Variants in NFATC3 observed in about 807,000 individuals in gnomAD.
NFATC3 encodes the protein nuclear factor of activated T cells 3, also known as nuclear factor of activated T-cells, cytoplasmic 3.
A neutral mutation model predicts 98.6 loss-of-function variants in NFATC3; 46 were observed. The ratio of observed to expected loss-of-function variants is 0.47; its 90% CI spans 0.37 to 0.60. The LOEUF (loss-of-function observed/expected upper bound fraction) is 0.60, where lower values mean the gene tolerates loss of function less well. NFATC3 is among the 20% of genes least tolerant of loss of function. The pLI is 0.00. For missense variants in NFATC3, 1,256 were observed against 1,295.5 expected (o/e 0.97, Z 0.47); for synonymous variants, 512 against 472.2 (o/e 1.08, Z -1.09).
Position 68,191,257 on chromosome 16 carries a change from G to A in NFATC3, c.2588G>A (p.Gly863Glu). The A allele has an allele frequency of 6.2e-7, 1 of 1,614,112 alleles. No individual in the cohort carries two copies. Among genetic ancestry groups the A allele is most frequent in the Non-Finnish European group, 8.5e-7 (1 of 1,180,032 alleles). The change falls in exon 9 of 10, where the codon GGA becomes GAA. Residue 863 changes from glycine to glutamate, a missense_variant. Around this residue, in one of 3 missense-constraint regions of NFATC3, gnomAD observed 636 missense variants for 617.3 expected, o/e 1.03. Transcript: ENST00000346183. ...CATTCTTCAAATTCAGGCTCAACAG[G>A]ACATCTCTTAGCCCATACACCTCAT... ...PFHSSNSGSTGHLLAHTPHSV... is the reference protein window; with the variant it reads ...PFHSSNSGSTEHLLAHTPHSV...
chr16:68,187,952 G>A (rs895002397), intron 8 of NFATC3, among the ~76,000 whole-genome samples: 1 of 152,102 alleles, frequency 6.6e-6, no homozygotes, highest in Non-Finnish European at 1.5e-5. Flanking sequence ...TGTTCATGGT[G>A]CCCAGGTTGT....
chr16:68,171,011 T>G (rs2039433697), intron 5 of NFATC3, among the ~76,000 whole-genome samples: 1 of 152,176 alleles, frequency 6.6e-6, no homozygotes. Flanking sequence ...GAACACATTT[T>G]TATTTTATTT....
chr16:68,196,813 C>T (rs1404494464), intron 9 of NFATC3, among the ~76,000 whole-genome samples: 1 of 152,078 alleles, frequency 6.6e-6, no homozygotes, highest in African/African-American at 2.4e-5. Context: ...GGCAGATCAC[C>T]TGAGGTCAGG....
At chr16:68,192,567 T>C (rs1243479708) in intron 9 of NFATC3, among the ~76,000 whole-genome samples, 1 of 151,840 alleles carries the variant, frequency 6.6e-6, no homozygotes, top group Non-Finnish European at 1.5e-5. Flanking sequence ...TGTATTAAGA[T>C]AGAATTCTCG....
At chr16:68,180,388 G>A (rs1239134699) in intron 6 of NFATC3, among the ~76,000 whole-genome samples, 2 of 152,136 alleles carry the variant, frequency 1.3e-5, no homozygotes, top group East Asian at 3.8e-4. Flanking sequence ...TATCCAAGAT[G>A]GAATGAGTTA....
chr16:68,129,568 T>C (rs950909422), intron 3 of NFATC3, among the ~76,000 whole-genome samples: 6 of 152,116 alleles, frequency 3.9e-5, no homozygotes, highest in African/African-American at 1.4e-4. Flanking sequence ...TGACTCTAAT[T>C]ATTACTCAAA....
At chr16:68,095,337 T>G (rs1227421133) in intron 1 of NFATC3, among the ~76,000 whole-genome samples, 1 of 148,974 alleles carries the variant, frequency 6.7e-6, no homozygotes, top group Non-Finnish European at 1.5e-5. Flanking sequence ...GTGCACCACA[T>G]GCCCAGCTAA....
intron 9 of NFATC3, among the ~76,000 whole-genome samples, chr16:68,207,890 T>A (rs1443602030): frequency 6.6e-6 from 1 of 151,904 alleles, no homozygotes; most frequent in Non-Finnish European, 1.5e-5. Context: ...TTTCCATTTT[T>A]AAAATAATAG....
rs1286974058 is a variant in NFATC3, at chr16:68,190,837, C to T, written c.2168C>T (p.Pro723Leu). The change falls in exon 9 of 10, where the codon CCT becomes CTT. Residue 723 changes from proline to leucine, a missense_variant. By Grantham distance (98) the Pro-to-Leu change is moderately conservative (BLOSUM62 -3). This residue lies in a region of NFATC3 where 636 missense variants were observed against 617.3 expected (regional missense o/e 1.03). Coordinates refer to ENST00000346183, the MANE Select transcript of NFATC3 (RefSeq NM_173165.3). ...GTTCCATCTTTGCCTGTGCCTCATC[C>T]TGCTCAGACCCAGAGGCCTTCCTCT... The part of the protein sequence containing the change: ...SSVPSLPVPH[P>L]AQTQRPSSDS... 6.2e-7 allele frequency: 1 copy of T among 1,614,198 alleles called. No individual in the cohort carries two copies. The highest frequency in any genetic ancestry group is 1.3e-5 in the African/African-American group (1 of 75,056).
intron 9 of NFATC3, chr16:68,192,343 A>C (rs1226569628): frequency 1.4e-5 from 2 of 147,368 alleles, no homozygotes; most frequent in African/African-American, 5.0e-5. Flanking sequence ...AGAGAGAGAG[A>C]GAGAGAGAGA....
At chr16:68,135,940 G>C (rs765174517) in intron 3 of NFATC3, among the ~76,000 whole-genome samples, 1 of 151,834 alleles carries the variant, frequency 6.6e-6, no homozygotes, top group Non-Finnish European at 1.5e-5. Context: ...GTGCATGCCT[G>C]TAATCCCAGC....
At chr16:68,146,018 A>G (rs1401800640) in intron 3 of NFATC3, among the ~76,000 whole-genome samples, 1 of 152,070 alleles carries the variant, frequency 6.6e-6, no homozygotes, top group Non-Finnish European at 1.5e-5. Flanking sequence ...GCTTGGGATC[A>G]GAAGTCAGAA....
At chr16:68,204,900 A>G (rs1008145546) in intron 9 of NFATC3, among the ~76,000 whole-genome samples, 3 of 151,978 alleles carry the variant, frequency 2.0e-5, no homozygotes, top group Non-Finnish European at 4.4e-5. Flanking sequence ...CTGCCTTGGC[A>G]TTACAAGGTT....
At position 68,190,789 on chromosome 16, in the gene NFATC3, G is replaced by A; in HGVS notation, c.2120G>A (p.Arg707Lys). 1.2e-6 allele frequency: 2 copies of A among 1,607,954 alleles called. No homozygotes were observed. The change falls in exon 9 of 10, where the codon AGA (arginine) becomes AAA (lysine). Residue 707 changes from arginine (R) to lysine (K), a missense_variant. Physicochemically the swap from Arg to Lys is conservative, Grantham distance 26 (BLOSUM62 2). Coordinates refer to ENST00000346183, the MANE Select transcript of NFATC3 (RefSeq NM_173165.3). ...YTPVLMKQEH[R>K]EEIDLSSVPS... Reference sequence around the variant, plus strand: ...TCAGTTTTGATGAAGCAAGAACACAGAGAAGAGATTGATTTGTCTTCAGTT... The same window carrying A: ...TCAGTTTTGATGAAGCAAGAACACAAAGAAGAGATTGATTTGTCTTCAGTT...
intron 9 of NFATC3, among the ~76,000 whole-genome samples, chr16:68,216,028 A>T: frequency 6.6e-6 from 1 of 152,048 alleles, no homozygotes; most frequent in East Asian, 1.9e-4. Context: ...GCGCTGGCCC[A>T]GATTTACACA....
At chr16:68,111,178 T>G (rs1057443980) in intron 1 of NFATC3, among the ~76,000 whole-genome samples, 8 of 152,224 alleles carry the variant, frequency 5.3e-5, no homozygotes, top group Non-Finnish European at 1.0e-4. Context: ...TGAATATCTT[T>G]GTTAATTTTT....
intron 3 of NFATC3, among the ~76,000 whole-genome samples, chr16:68,136,967 A>G (rs2037448108): frequency 6.6e-6 from 1 of 152,206 alleles, no homozygotes; most frequent in South Asian, 2.1e-4. Flanking sequence ...AGCTTGTAGG[A>G]CTGGAAGTTG....
chr16:68,185,862 CA>C (rs764335192), intron 8 of NFATC3, among the ~76,000 whole-genome samples: 3,088 of 49,340 alleles, frequency 0.063, 60 homozygotes, highest in African/African-American at 0.18. Flanking sequence ...GACTCCGTCT[CA>C]AAAAAAAAAA....
At chr16:68,130,758 G>C (rs1262851005) in intron 3 of NFATC3, among the ~76,000 whole-genome samples, 1 of 152,062 alleles carries the variant, frequency 6.6e-6, no homozygotes, top group African/African-American at 2.4e-5. Flanking sequence ...TTTTCTTCTA[G>C]TAGTTTTTTA....
Sources: gnomAD v4.1 joint callset for allele counts (sites outside exome capture counted in the v4.1 genomes callset) on GRCh38, gnomAD v4.1.1 for gene constraint, gnomAD v4.1.1 regional missense constraint, MANE v1.5 for transcripts, NCBI Gene and HGNC (gene_info 2026-07-23, HGNC 2026-07-21) for gene names.